The following SGCD variants were observed in gnomAD, a reference collection of about 807,000 sequenced individuals.
The protein encoded by SGCD is delta-sarcoglycan.
Under a neutral mutation model 36.6 loss-of-function variants are expected in SGCD, and 18 were observed. The ratio of observed to expected loss-of-function variants is 0.49; its 90% CI spans 0.34 to 0.73. The LOEUF (loss-of-function observed/expected upper bound fraction) is 0.73, where lower values mean the gene tolerates loss of function less well. Among genes scored for constraint, SGCD ranks in the 30% least tolerant of loss-of-function variants. The pLI is 0.01. For synonymous variants in SGCD, 133 were observed against 130.6 expected (o/e 1.02, Z -0.12); for missense variants, 387 against 346.7 (o/e 1.12, Z -0.92).
chr5:156,441,413 T>A (rs533002471), intron 3 of SGCD, among the ~76,000 whole-genome samples: 1 of 152,190 alleles, frequency 6.6e-6, no homozygotes, highest in East Asian at 1.9e-4. Context: ...TGTAAATAGC[T>A]AAATATCACA....
At chr5:156,581,347 G>T (rs567434561) in intron 4 of SGCD, among the ~76,000 whole-genome samples, 4 of 152,158 alleles carry the variant, frequency 2.6e-5, no homozygotes, top group African/African-American at 9.6e-5. Context: ...CTACTGGGAG[G>T]TGTCTCCCAG....
intron 7 of SGCD, among the ~76,000 whole-genome samples, chr5:156,661,900 TAACTG>T (rs1358896132): frequency 6.6e-6 from 1 of 151,464 alleles, no homozygotes; most frequent in African/African-American, 2.4e-5. Flanking sequence ...GTAAAAGTCT[TAACTG>T]TACTGTGAGG....
At chr5:155,899,439 C>A (rs1157595578) in intron 1 of SGCD, among the ~76,000 whole-genome samples, 2 of 152,140 alleles carry the variant, frequency 1.3e-5, no homozygotes, top group East Asian at 1.9e-4. Context: ...TTTCAAAAAT[C>A]CTCTATTTTT....
chr5:155,816,372 A>G, the SGCD span, among the ~76,000 whole-genome samples: 2 of 152,232 alleles, frequency 1.3e-5, no homozygotes, highest in East Asian at 1.9e-4. Context: ...CAAGCTAGAC[A>G]AAAGAAAACA....
At chr5:155,764,862 C>G in the SGCD span, among the ~76,000 whole-genome samples, 1,406 of 152,150 alleles carry the variant, frequency 9.2e-3, 20 homozygotes, top group African/African-American at 0.032. Context: ...TTCTGGGCAG[C>G]AAAAACAATA....
At chr5:156,538,252 G>A (rs183353976) in intron 4 of SGCD, among the ~76,000 whole-genome samples, 1 of 152,098 alleles carries the variant, frequency 6.6e-6, no homozygotes. Context: ...TAAGAAAACT[G>A]CAATGAAAGG....
intron 3 of SGCD, among the ~76,000 whole-genome samples, chr5:156,487,676 T>C (rs956566297): frequency 8.0e-5 from 12 of 149,520 alleles, no homozygotes; most frequent in Admixed American, 2.7e-4. Flanking sequence ...TAATCCCAGC[T>C]ATTCAGGAGG....
At chr5:156,069,836 T>G (rs1014005361) in intron 1 of SGCD, among the ~76,000 whole-genome samples, 17 of 152,072 alleles carry the variant, frequency 1.1e-4, no homozygotes, top group African/African-American at 2.4e-5. Context: ...TCCTTGAAGA[T>G]GTCCTTCACG....
intron 3 of SGCD, among the ~76,000 whole-genome samples, chr5:156,219,775 T>C (rs1460150431): frequency 6.6e-6 from 1 of 152,208 alleles, no homozygotes; most frequent in African/African-American, 2.4e-5. Context: ...TAAGCTTTAG[T>C]AATGGTGGAA....
At chr5:155,771,649 T>C in the SGCD span, among the ~76,000 whole-genome samples, 2 of 152,144 alleles carry the variant, frequency 1.3e-5, no homozygotes, top group South Asian at 2.1e-4. Flanking sequence ...GTTCTCGAAC[T>C]CCTGACCTCA....
upstream of SGCD, among the ~76,000 whole-genome samples, chr5:155,865,973 GT>G (rs1159398503): frequency 6.6e-6 from 1 of 152,076 alleles, no homozygotes; most frequent in African/African-American, 2.4e-5. Context: ...GTTTATCTCA[GT>G]CATTATTTCA....
At chr5:156,178,358 C>G (rs1416256029) in intron 3 of SGCD, among the ~76,000 whole-genome samples, 1 of 152,150 alleles carries the variant, frequency 6.6e-6, no homozygotes, top group Non-Finnish European at 1.5e-5. Context: ...ACAGCTTGAC[C>G]TGTTCTGTTA....
chr5:156,322,732 A>G (rs1050332660), upstream of SGCD, among the ~76,000 whole-genome samples: 5 of 152,204 alleles, frequency 3.3e-5, no homozygotes, highest in African/African-American at 1.2e-4. Context: ...TAAAGTGGAA[A>G]GATACATGAT....
Position 156,059,828 on chromosome 5 carries a change from A to G in SGCD, c.-281-58050A>G, listed in dbSNP as rs902344445. Among the ~76,000 whole-genome samples the G allele has an allele frequency of 1.9e-4, 28 of 146,850 alleles. 1 individual carries two copies. Among genetic ancestry groups the G allele is most frequent in the African/African-American group, 6.9e-4 (28 of 40,786 alleles). ...AAGAAATAGAATATCCAGATTTGCC[A>G]TTTAAACCAATCTGTGAACTATTTC... On this transcript the variant is annotated intron_variant, in intron 1 of 9. Transcript: ENST00000517913.
intron 4 of SGCD, among the ~76,000 whole-genome samples, chr5:156,536,337 A>G (rs1401058166): frequency 2.0e-5 from 3 of 152,180 alleles, no homozygotes; most frequent in Non-Finnish European, 4.4e-5. Context: ...GAACTACCCC[A>G]CAGCATATAT....
At chr5:156,605,259 T>C (rs1456199758) in intron 6 of SGCD, among the ~76,000 whole-genome samples, 2 of 152,142 alleles carry the variant, frequency 1.3e-5, no homozygotes, top group Non-Finnish European at 2.9e-5. Flanking sequence ...GTCCATGTGT[T>C]CTCATTCTTC....
chr5:156,409,470 T>C (rs1348347988), intron 3 of SGCD, among the ~76,000 whole-genome samples: 1 of 152,208 alleles, frequency 6.6e-6, no homozygotes, highest in East Asian at 1.9e-4. Flanking sequence ...AACCCATCAC[T>C]TTTATTTGCT....
chr5:155,791,855 T>G, the SGCD span, among the ~76,000 whole-genome samples: 2 of 152,192 alleles, frequency 1.3e-5, no homozygotes, highest in African/African-American at 4.8e-5. Flanking sequence ...ACAGATTCAA[T>G]GCTATCCCTA....
chr5:156,478,535 C>T (rs1344650282), intron 3 of SGCD, among the ~76,000 whole-genome samples: 1 of 152,174 alleles, frequency 6.6e-6, no homozygotes. Context: ...GGGGAAACAA[C>T]AGGCCCTCCA....
Sources: gnomAD v4.1 joint callset for allele counts (sites outside exome capture counted in the v4.1 genomes callset) on GRCh38, gnomAD v4.1.1 for gene constraint, MANE v1.5 for transcripts, NCBI Gene and HGNC (gene_info 2026-07-23, HGNC 2026-07-21) for gene names.